Variants in ARB2A observed in about 807,000 individuals in gnomAD.
ARB2A encodes cotranscriptional regulator ARB2A.
At chr5:94,067,200 A>G in the ARB2A span, among the ~76,000 whole-genome samples, 1 of 152,216 alleles carries the variant, frequency 6.6e-6, no homozygotes, top group Admixed American at 6.5e-5. Flanking sequence ...TCAACATAAT[A>G]AAGGTCATAT....
chr5:93,945,767 G>A, the ARB2A span, among the ~76,000 whole-genome samples: 1 of 152,098 alleles, frequency 6.6e-6, no homozygotes, highest in African/African-American at 2.4e-5. Context: ...AAGATCATGA[G>A]TGAATATAAA....
At chr5:93,708,169 T>C in the ARB2A span, among the ~76,000 whole-genome samples, 1 of 152,216 alleles carries the variant, frequency 6.6e-6, no homozygotes, top group African/African-American at 2.4e-5. Context: ...TGTATTTGAA[T>C]TTAATGCCAA....
At chr5:93,854,079 T>C in the ARB2A span, among the ~76,000 whole-genome samples, 1 of 152,172 alleles carries the variant, frequency 6.6e-6, no homozygotes, top group Non-Finnish European at 1.5e-5. Flanking sequence ...TCTGAATCCA[T>C]CTGGTCCTGG....
the ARB2A span, among the ~76,000 whole-genome samples, chr5:93,709,181 T>C: frequency 3.5e-4 from 53 of 152,116 alleles, no homozygotes; most frequent in African/African-American, 1.3e-3. Flanking sequence ...CCAATAAAGC[T>C]GAGGAACAAT....
the ARB2A span, among the ~76,000 whole-genome samples, chr5:94,049,282 T>C: frequency 6.6e-6 from 1 of 152,222 alleles, no homozygotes; most frequent in East Asian, 1.9e-4. Flanking sequence ...CCTACTCCTT[T>C]ATCCAGTCAA....
At chr5:93,942,886 T>G in the ARB2A span, among the ~76,000 whole-genome samples, 2 of 152,140 alleles carry the variant, frequency 1.3e-5, no homozygotes, top group African/African-American at 4.8e-5. Context: ...ACAAATTAGC[T>G]CATTTTTCTG....
chr5:94,073,738 A>T, the ARB2A span, among the ~76,000 whole-genome samples: 1 of 152,080 alleles, frequency 6.6e-6, no homozygotes, highest in Admixed American at 6.5e-5. Context: ...GATCCTTCCC[A>T]GCAACATACA....
the ARB2A span, among the ~76,000 whole-genome samples, chr5:93,874,523 T>C: frequency 6.6e-6 from 1 of 152,190 alleles, no homozygotes; most frequent in Non-Finnish European, 1.5e-5. Flanking sequence ...CCCATCCATA[T>C]ACCTTGCTCT....
the ARB2A span, among the ~76,000 whole-genome samples, chr5:94,048,428 A>G: frequency 3.3e-5 from 5 of 152,146 alleles, no homozygotes. Context: ...GCTGTAGAAC[A>G]CTAACAAGAA....
the ARB2A span, among the ~76,000 whole-genome samples, chr5:93,775,822 G>C: frequency 6.6e-6 from 1 of 152,164 alleles, no homozygotes; most frequent in African/African-American, 2.4e-5. Flanking sequence ...GGAACTCAGA[G>C]ACACATATCC....
At chr5:93,919,051 G>A in the ARB2A span, among the ~76,000 whole-genome samples, 1 of 152,142 alleles carries the variant, frequency 6.6e-6, no homozygotes, top group South Asian at 2.1e-4. Flanking sequence ...TTGGTGGTAG[G>A]TATCAGGCAT....
At chr5:94,082,535 G>C in the ARB2A span, among the ~76,000 whole-genome samples, 4 of 152,112 alleles carry the variant, frequency 2.6e-5, no homozygotes, top group Non-Finnish European at 4.4e-5. Flanking sequence ...GTTTTGTGCA[G>C]ATCATAATTG....
the ARB2A span, among the ~76,000 whole-genome samples, chr5:93,970,200 G>T: frequency 6.6e-6 from 1 of 151,958 alleles, no homozygotes; most frequent in African/African-American, 2.4e-5. Flanking sequence ...AAGAACATCA[G>T]CCCAAGACAT....
the ARB2A span, among the ~76,000 whole-genome samples, chr5:93,813,399 T>G: frequency 6.6e-6 from 1 of 152,116 alleles, no homozygotes; most frequent in Non-Finnish European, 1.5e-5. Context: ...TGATTGCTTA[T>G]AGTGAAAATG....
the ARB2A span, among the ~76,000 whole-genome samples, chr5:93,979,295 T>G: frequency 3.5e-4 from 54 of 152,150 alleles, no homozygotes; most frequent in Non-Finnish European, 6.6e-4. Flanking sequence ...TTAGGAACAT[T>G]CACAATGTGT....
chr5:93,722,946 A>C, the ARB2A span, among the ~76,000 whole-genome samples: 8 of 152,282 alleles, frequency 5.3e-5, no homozygotes, highest in African/African-American at 1.9e-4. Flanking sequence ...AACAAATCAT[A>C]TTCTATAATG....
At chr5:93,734,045 G>A in the ARB2A span, 7 of 152,016 alleles carry the variant, frequency 4.6e-5, no homozygotes, top group African/African-American at 1.2e-4. Context: ...TTAAATTATC[G>A]AAACAGATGC....
At chr5:94,001,652 CT>C in the ARB2A span, among the ~76,000 whole-genome samples, 2 of 151,884 alleles carry the variant, frequency 1.3e-5, no homozygotes, top group South Asian at 2.1e-4. Flanking sequence ...TGATTTCTAA[CT>C]TTTTTTTGTT....
chr5:94,062,377 G>A, the ARB2A span, among the ~76,000 whole-genome samples: 4 of 152,078 alleles, frequency 2.6e-5, no homozygotes, highest in Non-Finnish European at 4.4e-5. Context: ...ACAGGTCGTC[G>A]AAGATAGAAC....
Sources: allele counts gnomAD v4.1 joint callset (sites outside exome capture counted in the v4.1 genomes callset), GRCh38; gene constraint gnomAD v4.1.1; transcripts MANE v1.5; gene names NCBI Gene and HGNC (gene_info 2026-07-23, HGNC 2026-07-21).